The following WWOX variants were observed in gnomAD, a reference collection of about 807,000 sequenced individuals.
WWOX encodes the protein WW domain containing oxidoreductase, also known as WW domain-containing oxidoreductase.
Under a neutral mutation model 46.2 loss-of-function variants are expected in WWOX, and 69 were observed. The observed-to-expected ratio is 1.49, with a 90% CI of 1.23 to 1.82. The LOEUF is 1.82. WWOX is among the 40% of genes most tolerant of loss of function. The pLI is 0.00. For missense variants in WWOX, 919 were observed against 542.6 expected, an observed-to-expected ratio of 1.69 and a Z score of -6.89; for synonymous variants, 359 against 202.6, an observed-to-expected ratio of 1.77 and a Z score of -6.56.
intron 8 of WWOX, among the ~76,000 whole-genome samples, chr16:79,126,159 G>A (rs1270883103): frequency 6.6e-6 from 1 of 152,136 alleles, no homozygotes; most frequent in Non-Finnish European, 1.5e-5. Context: ...TGTCATTCTG[G>A]ATGATGTGAT....
intron 8 of WWOX, among the ~76,000 whole-genome samples, chr16:78,520,070 C>G (rs2043316140): frequency 6.6e-6 from 1 of 152,176 alleles, no homozygotes; most frequent in African/African-American, 2.4e-5. Flanking sequence ...GGGACATTCA[C>G]TTAGTTTCGA....
rs1012902470 is a variant in WWOX at position 78,639,569 on chromosome 16, A to AT, written c.1056+206829dup. 5.2e-3 allele frequency among the ~76,000 whole-genome samples: 433 copies of AT among 83,616 alleles called. 3 individuals are homozygous for AT. Among genetic ancestry groups the AT allele is most frequent in the African/African-American group, 0.013 (296 of 21,996 alleles). The allele number at this position is 83,616 out of a possible 152,430, so 54.9% of individuals were successfully genotyped here. On this transcript the variant is annotated intron_variant, in intron 8 of 8. Coordinates refer to ENST00000566780, the MANE Select transcript of WWOX (RefSeq NM_016373.4). The stretch of plus-strand genomic sequence containing the variant: ...CTCAGACTCCAGGGGCACAGATTGG[A>AT]TTTTTTTTTTTTCCAGACAGTTTCA...
At chr16:78,947,207 G>A (rs1381396959) in intron 8 of WWOX, among the ~76,000 whole-genome samples, 2 of 151,880 alleles carry the variant, frequency 1.3e-5, no homozygotes, top group African/African-American at 4.8e-5. Flanking sequence ...AATAAATTAG[G>A]ATAATCCAAC....
chr16:78,597,662 A>G (rs1336301965), intron 8 of WWOX, among the ~76,000 whole-genome samples: 1 of 152,044 alleles, frequency 6.6e-6, no homozygotes, highest in African/African-American at 2.4e-5. Flanking sequence ...TATGCTTTCC[A>G]AACCCCTAAA....
chr16:79,041,908 G>A (rs1457740511), intron 8 of WWOX, among the ~76,000 whole-genome samples: 1 of 152,034 alleles, frequency 6.6e-6, no homozygotes, highest in Non-Finnish European at 1.5e-5. Flanking sequence ...AGGAGCCCGG[G>A]AACTGCTTTC....
intron 8 of WWOX, among the ~76,000 whole-genome samples, chr16:78,954,485 C>G (rs1223362117): frequency 6.6e-6 from 1 of 152,190 alleles, no homozygotes; most frequent in Non-Finnish European, 1.5e-5. Context: ...TACTAAAAAT[C>G]TGCATTGATA....
At chr16:78,783,074 A>G (rs866323999) in intron 8 of WWOX, among the ~76,000 whole-genome samples, 2 of 152,238 alleles carry the variant, frequency 1.3e-5, no homozygotes, top group African/African-American at 2.4e-5. Context: ...AGCATCAGCA[A>G]TGCACCTATA....
intron 8 of WWOX, among the ~76,000 whole-genome samples, chr16:78,503,200 A>G (rs12446763): frequency 0.58 from 88,284 of 152,020 alleles, 29,521 homozygotes; most frequent in Non-Finnish European, 0.73. Flanking sequence ...TAAGCTGCTT[A>G]TCAGAGGTGC....
At chr16:79,045,163 GTTAAA>G (rs1462809157) in intron 8 of WWOX, among the ~76,000 whole-genome samples, 2 of 152,156 alleles carry the variant, frequency 1.3e-5, no homozygotes, top group East Asian at 1.9e-4. Flanking sequence ...CTTTACAAGT[GTTAAA>G]TTAAATCTTT....
chr16:78,843,930 C>T (rs1428143313), intron 8 of WWOX, among the ~76,000 whole-genome samples: 1 of 152,128 alleles, frequency 6.6e-6, no homozygotes, highest in African/African-American at 2.4e-5. Flanking sequence ...AATGGCAGAG[C>T]AACACCGAAA....
At chr16:78,454,566 C>T (rs935581052) in intron 8 of WWOX, among the ~76,000 whole-genome samples, 6 of 152,164 alleles carry the variant, frequency 3.9e-5, no homozygotes, top group Admixed American at 2.6e-4. Flanking sequence ...AGTGCAATGG[C>T]ACGATCTCTG....
rs960085733 is a variant in WWOX, at chr16:78,346,002, A to G, written c.517-40858A>G. Among the ~76,000 whole-genome samples, 9 of 121,678 alleles carry G rather than the reference A, an allele frequency of 7.4e-5. 2 individuals carry two copies. Among genetic ancestry groups the G allele is most frequent in the Admixed American group, 5.6e-4 (7 of 12,588 alleles). The allele number at this position is 121,678 out of a possible 152,430, so 79.8% of individuals were successfully genotyped here. ...TTTACATCACCTCAAAAAGATTTCA[A>G]ATGCCACTTCTGTGGTGTATGACTC... On this transcript the variant is annotated intron_variant, in intron 5 of 8. Transcript: ENST00000566780.
chr16:78,352,011 T>TG (rs1322107186), intron 5 of WWOX, among the ~76,000 whole-genome samples: 3 of 152,134 alleles, frequency 2.0e-5, no homozygotes, highest in African/African-American at 7.2e-5. Context: ...AAATGTTTGG[T>TG]GGGAGCAGTT....
intron 8 of WWOX, among the ~76,000 whole-genome samples, chr16:78,604,062 T>A (rs1268267540): frequency 6.6e-6 from 1 of 152,186 alleles, no homozygotes; most frequent in African/African-American, 2.4e-5. Context: ...TAGGATCGCT[T>A]GAGCCCGGGA....
chr16:78,714,254 C>T (rs772935046), intron 8 of WWOX, among the ~76,000 whole-genome samples: 4 of 152,064 alleles, frequency 2.6e-5, no homozygotes, highest in Admixed American at 6.6e-5. Flanking sequence ...AGAAGTTTAA[C>T]GGACTCATAG....
chr16:79,177,983 T>C (rs1306674855), intron 8 of WWOX, among the ~76,000 whole-genome samples: 3 of 152,154 alleles, frequency 2.0e-5, no homozygotes, highest in Non-Finnish European at 4.4e-5. Context: ...CCCTGGCTCA[T>C]AGATGATGAC....
At chr16:78,114,001 TGAG>T (rs924119104) in intron 3 of WWOX, among the ~76,000 whole-genome samples, 4 of 152,202 alleles carry the variant, frequency 2.6e-5, no homozygotes, top group African/African-American at 9.6e-5. Context: ...TAAGATATTC[TGAG>T]GTCTTTATCT....
chr16:78,745,772 C>G (rs12597075), intron 8 of WWOX, among the ~76,000 whole-genome samples: 162 of 151,516 alleles, frequency 1.1e-3, no homozygotes, highest in Non-Finnish European at 1.8e-3. Flanking sequence ...TTTTTCCCCC[C>G]CCTTCAAATA....
intron 8 of WWOX, among the ~76,000 whole-genome samples, chr16:78,484,773 G>C (rs1339132189): frequency 6.6e-6 from 1 of 152,160 alleles, no homozygotes; most frequent in Non-Finnish European, 1.5e-5. Flanking sequence ...CCTGAAAGAA[G>C]TGATTGAGTT....
Sources: allele counts gnomAD v4.1 joint callset (sites outside exome capture counted in the v4.1 genomes callset), GRCh38; gene constraint gnomAD v4.1.1; transcripts MANE v1.5; gene names NCBI Gene and HGNC (gene_info 2026-07-23, HGNC 2026-07-21).